TMC2: variants seen among roughly 807,000 people sequenced by gnomAD.
TMC2 encodes transmembrane channel-like protein 2.
A neutral mutation model predicts 105.9 loss-of-function variants in TMC2; 102 were observed. That is an observed-to-expected ratio of 0.96 (90% CI 0.82 to 1.14). The LOEUF (loss-of-function observed/expected upper bound fraction) is 1.14, where lower values mean the gene tolerates loss of function less well. Among genes scored for constraint, TMC2 ranks in the 50% most tolerant of loss-of-function variants. The pLI is 0.00. For synonymous variants in TMC2, 402 were observed against 422.8 expected (o/e 0.95, Z 0.60); for missense variants, 1,093 against 1,134.3 (o/e 0.96, Z 0.52).
At chr20:2,638,519 G>C (rs542162647) in intron 19 of TMC2, among the ~76,000 whole-genome samples, 1 of 152,024 alleles carries the variant, frequency 6.6e-6, no homozygotes, top group East Asian at 1.9e-4. Flanking sequence ...CTGTAAAACA[G>C]CCTCAGGCAG....
intron 2 of TMC2, among the ~76,000 whole-genome samples, chr20:2,537,919 G>T (rs6049839): frequency 0.37 from 56,511 of 151,962 alleles, 11,083 homozygotes; most frequent in South Asian, 0.44. Context: ...TGGATGCGAT[G>T]CTGTTTTCTC....
rs200097980 is a variant in TMC2, at chr20:2,616,994, G to A, written c.1941-78G>A. Reference sequence around the variant, plus strand: ...TCGGCCTCATGCCCCTAACCCATCCGTCCCATTTCCTTCTATCACCCTTCC... The same window carrying A: ...TCGGCCTCATGCCCCTAACCCATCCATCCCATTTCCTTCTATCACCCTTCC... On this transcript the variant is annotated intron_variant, in intron 15 of 19. Transcript: ENST00000358864. This position sits in a 1 kb window ranked among gnomAD's most constrained non-coding sequence, Gnocchi z 4.8. 21 of 1,571,200 alleles carry A rather than the reference G, an allele frequency of 1.3e-5. No homozygotes were observed. The highest frequency in any genetic ancestry group is 4.0e-5 in the African/African-American group (3 of 74,358).
In TMC2 at chr20:2,610,579, T is replaced by G; in HGVS notation, c.1574T>G (p.Met525Arg). 6.2e-7 allele frequency: 1 copy of G among 1,603,276 alleles called. No individual in the cohort carries two copies. Among genetic ancestry groups the G allele is most frequent in the Non-Finnish European group, 8.5e-7 (1 of 1,174,044 alleles). The change falls in exon 12 of 20, where the codon ATG (methionine) becomes AGG (arginine). Residue 525 changes from methionine to arginine, a missense_variant. Coordinates refer to ENST00000358864, the MANE Select transcript of TMC2 (RefSeq NM_080751.3). The stretch of plus-strand genomic sequence containing the variant: ...CTCTACACATTTCTCTTGGCCCTGA[T>G]GGATGACGTCCACCTCAAGGTAAAA... ...GNLYTFLLALMDDVHLKLANE... is the reference protein window; with the variant it reads ...GNLYTFLLALRDDVHLKLANE...
At chr20:2,630,310 T>TGGAA (rs1365127284) in intron 17 of TMC2, among the ~76,000 whole-genome samples, 6 of 152,202 alleles carry the variant, frequency 3.9e-5, no homozygotes, top group African/African-American at 1.4e-4. Flanking sequence ...CAGCTATTAT[T>TGGAA]ATTGGATTGT....
chr20:2,633,997 T>C (rs1001852600), intron 17 of TMC2, among the ~76,000 whole-genome samples: 1 of 152,256 alleles, frequency 6.6e-6, no homozygotes, highest in Non-Finnish European at 1.5e-5. Flanking sequence ...AACTTTAGCC[T>C]TGGATGGGCT....
chr20:2,641,215 G>A lies in TMC2; in HGVS notation c.2585G>A (p.Arg862Lys), dbSNP rs367851962. 8.7e-6 allele frequency: 14 copies of A among 1,614,164 alleles called. No homozygotes were observed. In the East Asian group the frequency reaches 2.7e-4, roughly 31 times the overall value. Residue 862 changes from arginine (R) to lysine (K), a missense_variant, in exon 20 of 20, where the codon AGG becomes AAG. By Grantham distance (26) the Arg-to-Lys change is conservative. Coordinates refer to ENST00000358864, the MANE Select transcript of TMC2 (RefSeq NM_080751.3). ...QGPGTSNSAS[R>K]TTLPASGHLP... The stretch of plus-strand genomic sequence containing the variant: ...CCTGGGACCTCCAATTCTGCCAGCA[G>A]GACCACACTGCCTGCCTCTGGACAC...
chr20:2,562,944 T>C (rs547434383), intron 4 of TMC2, among the ~76,000 whole-genome samples: 1 of 151,184 alleles, frequency 6.6e-6, no homozygotes, highest in Non-Finnish European at 1.5e-5. Context: ...AGACTCTGTA[T>C]CAAAAAAAAA....
intron 16 of TMC2, among the ~76,000 whole-genome samples, chr20:2,624,015 T>A (rs2086545789): frequency 6.6e-6 from 1 of 152,222 alleles, no homozygotes; most frequent in African/African-American, 2.4e-5. Flanking sequence ...AAAAGACCAG[T>A]GAAGGCTAAG....
chr20:2,634,298 C>T (rs1258555119), intron 17 of TMC2, among the ~76,000 whole-genome samples: 1 of 152,204 alleles, frequency 6.6e-6, no homozygotes, highest in Non-Finnish European at 1.5e-5. Context: ...GTAGCTTACT[C>T]AAAATGAACA....
At chr20:2,557,569 C>G (rs927592318) in intron 2 of TMC2, among the ~76,000 whole-genome samples, 10 of 152,138 alleles carry the variant, frequency 6.6e-5, no homozygotes, top group African/African-American at 1.9e-4. Flanking sequence ...TCGCTCTTGT[C>G]GCTTAGGCTG....
intron 17 of TMC2, among the ~76,000 whole-genome samples, chr20:2,629,101 C>CA (rs1055229277): frequency 2.6e-5 from 4 of 151,508 alleles, no homozygotes; most frequent in African/African-American, 7.3e-5. Flanking sequence ...GACTCCATCT[C>CA]AAAAAAAAGA....
At chr20:2,554,009 C>T (rs1037954129) in intron 2 of TMC2, among the ~76,000 whole-genome samples, 5 of 152,018 alleles carry the variant, frequency 3.3e-5, no homozygotes, top group Non-Finnish European at 5.9e-5. Context: ...CTCAGCCTCC[C>T]GAGTAGCTGG....
At position 2,616,099 on chromosome 20, in the gene TMC2, TTTTCTC is replaced by T; in HGVS notation, c.1873-36_1873-31del. The T allele has an allele frequency of 6.4e-7, 1 of 1,567,848 alleles. No homozygotes were observed. The highest frequency in any genetic ancestry group is 8.8e-7 in the Non-Finnish European group (1 of 1,140,846). ...CTGAATTCACCAAACGTGCTTTTTT[TTTTCTC>T]TCTCTCTCTCGCTCCCTCCCTCCCT... is the stretch of plus-strand genomic sequence containing the variant. On this transcript the variant is annotated intron_variant, in intron 14 of 19. Transcript: ENST00000358864. The surrounding 1 kb of genome is among the most constrained non-coding windows in gnomAD (Gnocchi z 4.8).
chr20:2,545,825 GAAA>G (rs777073993), intron 2 of TMC2, among the ~76,000 whole-genome samples: 2 of 48,300 alleles, frequency 4.1e-5, no homozygotes, highest in East Asian at 4.5e-4. Context: ...GGAAGAGGAA[GAAA>G]GAAAGAAAGA....
chr20:2,602,332 T>C lies in TMC2; in HGVS notation c.1413+31T>C, dbSNP rs1436507270. The C allele has an allele frequency of 4.7e-6, 7 of 1,499,136 alleles. No homozygotes were observed. In the Admixed American group the frequency reaches 1.5e-4, roughly 32 times the overall value. The allele number at this position is 1,499,136 out of a possible 1,614,324, so 92.9% of individuals were successfully genotyped here. On this transcript the variant is annotated intron_variant, in intron 11 of 19. Coordinates refer to ENST00000358864, the MANE Select transcript of TMC2 (RefSeq NM_080751.3). ...AAAAACATCGCTGATGAACTGAAGGTTGATGGCAAATACTGAAATCACTGG... is the reference window on the plus strand; with the variant it reads ...AAAAACATCGCTGATGAACTGAAGGCTGATGGCAAATACTGAAATCACTGG...
intron 4 of TMC2, among the ~76,000 whole-genome samples, chr20:2,562,693 C>T (rs560464325): frequency 7.2e-5 from 11 of 152,288 alleles, no homozygotes; most frequent in African/African-American, 2.6e-4. Context: ...CACCTGTAAT[C>T]CCAGCACTTT....
In TMC2 at chr20:2,558,464, C is replaced by T; in HGVS notation, c.91C>T (p.Leu31=). Residue 31 remains leucine, a synonymous_variant, in exon 3 of 20, where the codon CTG becomes TTG. Transcript: ENST00000358864. The surrounding 1 kb of genome is among the most constrained non-coding windows in gnomAD (Gnocchi z 4.6). ...TTTTCCCGCCCCGGCAGGTGACAGG[C>T]TGGGAAGGAGATCCTCAAGCAAGCG... The part of the protein sequence containing the change: ...KSGSPHTGDR[L]GRRSSSKRAL... 6.4e-7 allele frequency: 1 copy of T among 1,556,166 alleles called. No homozygotes were observed. The highest frequency in any genetic ancestry group is 8.7e-7 in the Non-Finnish European group (1 of 1,150,004).
At position 2,558,458 on chromosome 20, in the gene TMC2, G is replaced by A; in HGVS notation, c.85G>A (p.Asp29Asn). Residue 29 changes from aspartate (D) to asparagine (N), a missense_variant and splice_region_variant, in exon 3 of 20, where the codon GAC becomes AAC. Asp to Asn is a conservative substitution (Grantham distance 23). Transcript: ENST00000358864. This position sits in a 1 kb window ranked among gnomAD's most constrained non-coding sequence, Gnocchi z 4.6. ...RVKSGSPHTG[D>N]RLGRRSSSKR... Reference sequence around the variant, plus strand: ...TGTCCATTTTCCCGCCCCGGCAGGTGACAGGCTGGGAAGGAGATCCTCAAG... The same window carrying A: ...TGTCCATTTTCCCGCCCCGGCAGGTAACAGGCTGGGAAGGAGATCCTCAAG... 1 of 1,555,380 alleles carries A rather than the reference G, an allele frequency of 6.4e-7. No individual in the cohort carries two copies. Among genetic ancestry groups the A allele is most frequent in the South Asian group, 1.2e-5 (1 of 84,230 alleles).
At chr20:2,581,108 T>C (rs1157136756) in intron 7 of TMC2, among the ~76,000 whole-genome samples, 1 of 152,210 alleles carries the variant, frequency 6.6e-6, no homozygotes, top group Non-Finnish European at 1.5e-5. Flanking sequence ...TCCTATTTTG[T>C]TATAAATGGT....
Sources: gnomAD v4.1 joint callset for allele counts (sites outside exome capture counted in the v4.1 genomes callset) on GRCh38, gnomAD v4.1.1 for gene constraint, Gnocchi (gnomAD v3.1) non-coding constraint, MANE v1.5 for transcripts, NCBI Gene and HGNC (gene_info 2026-07-23, HGNC 2026-07-21) for gene names.